The following PKIA variants were observed in gnomAD, a reference collection of about 807,000 sequenced individuals.
The protein encoded by PKIA is PKI-alpha.
PKIA carries 4 observed loss-of-function variants against 7.6 expected under a neutral mutation model. The observed-to-expected ratio is 0.52, with a 90% CI of 0.26 to 1.20. The LOEUF is 1.20. Ranked by LOEUF, PKIA falls within the 50% of genes most tolerant of loss-of-function variation. The pLI, the probability that PKIA is intolerant of heterozygous loss-of-function variation, is 0.13. For synonymous variants in PKIA, 21 were observed against 30.7 expected (o/e 0.68, Z 1.04); for missense variants, 73 against 86.2 (o/e 0.85, Z 0.61).
intron 1 of PKIA, among the ~76,000 whole-genome samples, chr8:78,532,806 T>C (rs1806422006): frequency 6.6e-6 from 1 of 151,860 alleles, no homozygotes; most frequent in South Asian, 2.1e-4. Context: ...TCCCAGCTAC[T>C]TGGGAGGCTG....
At chr8:78,557,732 T>C (rs1807175869) in intron 1 of PKIA, among the ~76,000 whole-genome samples, 1 of 152,184 alleles carries the variant, frequency 6.6e-6, no homozygotes, top group African/African-American at 2.4e-5. Flanking sequence ...TTGATGGGTA[T>C]TTATGCCTGT....
intron 2 of PKIA, among the ~76,000 whole-genome samples, chr8:78,585,287 A>G (rs1298685290): frequency 5.9e-5 from 9 of 151,980 alleles, no homozygotes; most frequent in Non-Finnish European, 1.2e-4. Flanking sequence ...TTACACTTAC[A>G]TTTAAATCAC....
intron 1 of PKIA, among the ~76,000 whole-genome samples, chr8:78,536,385 G>A (rs966195289): frequency 2.0e-5 from 3 of 152,096 alleles, no homozygotes; most frequent in African/African-American, 7.2e-5. Context: ...GAGAGGCTAT[G>A]AAAATAAAGG....
chr8:78,522,858 C>T (rs568412152), intron 1 of PKIA, among the ~76,000 whole-genome samples: 2 of 151,642 alleles, frequency 1.3e-5, no homozygotes, highest in African/African-American at 2.4e-5. Flanking sequence ...TATGGTAAAT[C>T]TTTTATTTTT....
At chr8:78,594,916 G>A (rs1002249232) in intron 2 of PKIA, among the ~76,000 whole-genome samples, 1 of 152,180 alleles carries the variant, frequency 6.6e-6, no homozygotes, top group Non-Finnish European at 1.5e-5. Flanking sequence ...TCTTAAGGTA[G>A]GTGGTGTCTG....
At chr8:78,516,582 A>C (rs1170752499) in intron 1 of PKIA, 114 bp downstream of exon 1, 1 of 152,560 alleles carries the variant, frequency 6.6e-6, no homozygotes, top group East Asian at 1.9e-4. Context: ...TGCATTCTGC[A>C]ATGAGAAAAG....
intron 1 of PKIA, among the ~76,000 whole-genome samples, chr8:78,522,182 C>A (rs1213254459): frequency 6.6e-6 from 1 of 151,860 alleles, no homozygotes; most frequent in Non-Finnish European, 1.5e-5. Flanking sequence ...GCATATAACA[C>A]CACCATATTA....
At chr8:78,584,455 T>C (rs553264090) in intron 2 of PKIA, among the ~76,000 whole-genome samples, 1 of 152,246 alleles carries the variant, frequency 6.6e-6, no homozygotes, top group South Asian at 2.1e-4. Flanking sequence ...TATGTGTTTA[T>C]AGAGTCTTTG....
intron 1 of PKIA, among the ~76,000 whole-genome samples, chr8:78,565,346 A>G (rs1807377259): frequency 6.6e-6 from 1 of 151,950 alleles, no homozygotes; most frequent in South Asian, 2.1e-4. Flanking sequence ...TGCATCTGCC[A>G]ATTTCTTGTC....
chr8:78,559,470 A>T (rs1418853983), intron 1 of PKIA, among the ~76,000 whole-genome samples: 1 of 152,210 alleles, frequency 6.6e-6, no homozygotes, highest in Admixed American at 6.5e-5. Flanking sequence ...TAACCTAAAA[A>T]GTGTGGTTTT....
At chr8:78,564,247 T>C (rs1807354349) in intron 1 of PKIA, among the ~76,000 whole-genome samples, 1 of 152,050 alleles carries the variant, frequency 6.6e-6, no homozygotes, top group African/African-American at 2.4e-5. Context: ...GTCAGAGCAG[T>C]ATTCCCAGTC....
At chr8:78,571,141 T>C (rs955520451) in intron 1 of PKIA, among the ~76,000 whole-genome samples, 5 of 151,450 alleles carry the variant, frequency 3.3e-5, no homozygotes, top group African/African-American at 1.2e-4. Context: ...AAATCTTAAT[T>C]TTTCCTTTTT....
chr8:78,533,054 G>C (rs141652385), intron 1 of PKIA, among the ~76,000 whole-genome samples: 1 of 152,062 alleles, frequency 6.6e-6, no homozygotes, highest in Non-Finnish European at 1.5e-5. Context: ...CTTTCATTCC[G>C]TGCACCAGGG....
chr8:78,586,564 C>A (rs922604973), intron 2 of PKIA, among the ~76,000 whole-genome samples: 3 of 151,964 alleles, frequency 2.0e-5, no homozygotes, highest in African/African-American at 7.3e-5. Flanking sequence ...GTTTGTAGAA[C>A]AAATACAGAA....
intron 2 of PKIA, among the ~76,000 whole-genome samples, chr8:78,585,998 A>G (rs1342430014): frequency 1.3e-5 from 2 of 152,240 alleles, no homozygotes; most frequent in East Asian, 3.9e-4. Flanking sequence ...AAAATTGTCA[A>G]CCTAGAATCC....
At chr8:78,579,962 C>A (rs1807768174) in intron 2 of PKIA, among the ~76,000 whole-genome samples, 1 of 151,946 alleles carries the variant, frequency 6.6e-6, no homozygotes. Context: ...TGGTGCAGAG[C>A]ACCAGTGGTA....
intron 2 of PKIA, among the ~76,000 whole-genome samples, chr8:78,577,726 T>A (rs865971080): frequency 2.0e-5 from 3 of 152,160 alleles, no homozygotes; most frequent in African/African-American, 2.4e-5. Context: ...CCTGATATGC[T>A]GTAATAGAAT....
At chr8:78,565,450 A>T in intron 1 of PKIA, among the ~76,000 whole-genome samples, 1 of 152,136 alleles carries the variant, frequency 6.6e-6, no homozygotes, top group East Asian at 1.9e-4. Flanking sequence ...TTCTGTTATA[A>T]GGATTTTATA....
chr8:78,523,343 T>G (rs1809453065), intron 1 of PKIA, among the ~76,000 whole-genome samples: 1 of 151,984 alleles, frequency 6.6e-6, no homozygotes, highest in Non-Finnish European at 1.5e-5. Flanking sequence ...TCTTTATGGT[T>G]GTTTGATTAA....
Sources: gnomAD v4.1 joint callset for allele counts (sites outside exome capture counted in the v4.1 genomes callset) on GRCh38, gnomAD v4.1.1 for gene constraint, MANE v1.5 for transcripts, NCBI Gene and HGNC (gene_info 2026-07-23, HGNC 2026-07-21) for gene names.